OR2L13: variants seen among roughly 807,000 people sequenced by gnomAD.
OR2L13 encodes olfactory receptor 2L13.
A neutral mutation model predicts 15.3 loss-of-function variants in OR2L13; 14 were observed. The ratio of observed to expected loss-of-function variants is 0.91; its 90% confidence interval spans 0.60 to 1.43. OR2L13 has a LOEUF of 1.43. Ranked by LOEUF, OR2L13 falls within the 40% of genes most tolerant of loss-of-function variation. The probability of loss-of-function intolerance (pLI) is 0.00; values close to 1 mark genes in which losing one functional copy is unlikely to be tolerated. For synonymous variants in OR2L13, 152 were observed against 142.9 expected, an observed-to-expected ratio of 1.06 and a Z score of -0.45; for missense variants, 367 against 387.9, an observed-to-expected ratio of 0.95 and a Z score of 0.45.
At chr1:248,082,746 C>T in the OR2L13 span, among the ~76,000 whole-genome samples, 1 of 152,186 alleles carries the variant, frequency 6.6e-6, no homozygotes. Context: ...AATATCTCTA[C>T]TCACCTATGC....
At chr1:248,077,649 G>T in the OR2L13 span, among the ~76,000 whole-genome samples, 2 of 152,040 alleles carry the variant, frequency 1.3e-5, 1 homozygote, top group South Asian at 4.1e-4. Flanking sequence ...AATAATTCTT[G>T]GGCATGACAG....
the OR2L13 span, chr1:248,022,740 C>T: frequency 2.9e-5 from 47 of 1,613,956 alleles, no homozygotes; most frequent in South Asian, 1.5e-4. Context: ...AAGATCCCTG[C>T]GATCTCTGAC....
the OR2L13 span, among the ~76,000 whole-genome samples, chr1:248,014,984 C>T: frequency 6.6e-6 from 1 of 152,280 alleles, no homozygotes; most frequent in Non-Finnish European, 1.5e-5. Context: ...CTTTCATAAT[C>T]ACTTTCTGTC....
chr1:248,058,315 A>G, the OR2L13 span, among the ~76,000 whole-genome samples: 2 of 152,068 alleles, frequency 1.3e-5, no homozygotes, highest in African/African-American at 4.8e-5. Context: ...TTGATTTTCT[A>G]TATCTCAAAT....
At chr1:247,949,847 G>A in the OR2L13 span, 7 of 1,411,630 alleles carry the variant, frequency 5.0e-6, no homozygotes, top group South Asian at 2.7e-5. Flanking sequence ...CCATTCAGCA[G>A]TGTATAGTAA....
chr1:248,088,416 T>C, the OR2L13 span, among the ~76,000 whole-genome samples: 7 of 152,338 alleles, frequency 4.6e-5, no homozygotes, highest in East Asian at 1.3e-3. Context: ...TTCATGATTT[T>C]GGATAAAATG....
the OR2L13 span, among the ~76,000 whole-genome samples, chr1:248,028,865 C>T: frequency 6.6e-6 from 1 of 152,290 alleles, no homozygotes; most frequent in Non-Finnish European, 1.5e-5. Flanking sequence ...AGTCTTACCT[C>T]CTCTTTCAGC....
At chr1:248,005,713 C>T in the OR2L13 span, among the ~76,000 whole-genome samples, 32 of 152,120 alleles carry the variant, frequency 2.1e-4, no homozygotes, top group African/African-American at 6.7e-4. Context: ...TTTCTTTTAC[C>T]AGTGTTTTGT....
At chr1:248,088,053 G>T in the OR2L13 span, among the ~76,000 whole-genome samples, 2 of 152,000 alleles carry the variant, frequency 1.3e-5, no homozygotes, top group African/African-American at 2.4e-5. Context: ...CTTTTAGTTA[G>T]CTGTTTGTTC....
chr1:247,996,495 T>C, the OR2L13 span, among the ~76,000 whole-genome samples: 1 of 152,232 alleles, frequency 6.6e-6, no homozygotes, highest in Admixed American at 6.5e-5. Context: ...ATAAACCAAG[T>C]TGTGGCCTAC....
chr1:248,097,300 C>T (rs1664760567), exon 1 of OR2L13: 1 of 152,218 alleles, frequency 6.6e-6, no homozygotes, highest in Admixed American at 6.5e-5. Context: ...AAGGCAGTCA[C>T]TAATCTCACA....
chr1:248,021,850 A>G, the OR2L13 span: 80 of 875,356 alleles, frequency 9.1e-5, no homozygotes, highest in Non-Finnish European at 1.3e-4. Flanking sequence ...TCAGGCATTC[A>G]CTGGAGGCCT....
At chr1:247,960,602 C>A in the OR2L13 span, among the ~76,000 whole-genome samples, 2 of 152,184 alleles carry the variant, frequency 1.3e-5, no homozygotes, top group African/African-American at 4.8e-5. Context: ...TTCGAGCCTC[C>A]TGGCTGCTTT....
chr1:247,999,114 C>T, the OR2L13 span, among the ~76,000 whole-genome samples: 1 of 152,078 alleles, frequency 6.6e-6, no homozygotes, highest in South Asian at 2.1e-4. Flanking sequence ...TCCTGGTAAC[C>T]CATGGATTCT....
the OR2L13 span, among the ~76,000 whole-genome samples, chr1:248,011,443 C>T: frequency 1.3e-5 from 2 of 151,974 alleles, no homozygotes; most frequent in African/African-American, 2.4e-5. Flanking sequence ...TTGCTCTTCT[C>T]GAGGAGTATC....
the OR2L13 span, among the ~76,000 whole-genome samples, chr1:247,940,257 C>T: frequency 6.6e-6 from 1 of 152,012 alleles, no homozygotes; most frequent in African/African-American, 2.4e-5. Flanking sequence ...TGTATACATA[C>T]AGGCTTATAT....
At chr1:247,960,597 G>C in the OR2L13 span, among the ~76,000 whole-genome samples, 1 of 152,138 alleles carries the variant, frequency 6.6e-6, no homozygotes, top group Non-Finnish European at 1.5e-5. Flanking sequence ...CCCAGTTCGA[G>C]CCTCCTGGCT....
the OR2L13 span, chr1:247,949,529 C>G: frequency 1.2e-6 from 2 of 1,614,034 alleles, no homozygotes; most frequent in Non-Finnish European, 1.7e-6. Context: ...TCTTTGCTGT[C>G]TACCACATGA....
At chr1:248,055,426 G>A in the OR2L13 span, among the ~76,000 whole-genome samples, 3 of 151,984 alleles carry the variant, frequency 2.0e-5, no homozygotes, top group Non-Finnish European at 4.4e-5. Context: ...TGTCTCTGCT[G>A]GGTTTTGGAA....
Sources: allele counts gnomAD v4.1 joint callset (sites outside exome capture counted in the v4.1 genomes callset), GRCh38; gene constraint gnomAD v4.1.1; transcripts MANE v1.5; gene names NCBI Gene and HGNC (gene_info 2026-07-23, HGNC 2026-07-21).